DNAAF5: variants seen among roughly 807,000 people sequenced by gnomAD.
DNAAF5 encodes HEAT repeat containing 2.
DNAAF5 carries 64 observed loss-of-function variants against 75.8 expected under a neutral mutation model. That is an observed-to-expected ratio of 0.84 (90% CI 0.69 to 1.04). The LOEUF (loss-of-function observed/expected upper bound fraction) is 1.04. Among genes scored for constraint, DNAAF5 ranks in the 50% least tolerant of loss-of-function variants. The probability of loss-of-function intolerance (pLI) is 0.00; values close to 1 mark genes in which losing one functional copy is unlikely to be tolerated. For missense variants in DNAAF5, 1,269 were observed against 1,178.5 expected (o/e 1.08, Z -1.12); for synonymous variants, 657 against 557.2 (o/e 1.18, Z -2.52).
chr7:759,968 G>A (rs1325481392), intron 6 of DNAAF5, among the ~76,000 whole-genome samples: 1 of 152,224 alleles, frequency 6.6e-6, no homozygotes, highest in Non-Finnish European at 1.5e-5. Context: ...AAATTGGGCT[G>A]TGGGAAAAAT....
chr7:756,282 C>T (rs1302785175), intron 5 of DNAAF5, among the ~76,000 whole-genome samples: 2 of 143,390 alleles, frequency 1.4e-5, no homozygotes, highest in Admixed American at 7.0e-5. Flanking sequence ...GTGTGTGATC[C>T]GCTGTGGAAT....
intron 1 of DNAAF5, among the ~76,000 whole-genome samples, chr7:727,823 C>T (rs1781409990): frequency 6.7e-6 from 1 of 149,114 alleles, no homozygotes; most frequent in Non-Finnish European, 1.5e-5. Context: ...TGCCTGAGCC[C>T]CCTCCACCCC....
chr7:767,768 G>C (rs183439883), intron 8 of DNAAF5, among the ~76,000 whole-genome samples: 323 of 151,728 alleles, frequency 2.1e-3, no homozygotes, highest in South Asian at 0.017. Flanking sequence ...ACGTGATCCG[G>C]GCGGAAGTGT....
chr7:778,598 T>G (rs1778839661), intron 11 of DNAAF5: 1 of 149,214 alleles, frequency 6.7e-6, no homozygotes, highest in South Asian at 2.1e-4. Flanking sequence ...AGTGCCACTC[T>G]GTGTACTTCC....
chr7:755,616 C>T (rs1302563463), intron 5 of DNAAF5, among the ~76,000 whole-genome samples: 1 of 152,128 alleles, frequency 6.6e-6, no homozygotes, highest in African/African-American at 2.4e-5. Context: ...CCTGTGGTTC[C>T]AGCTCCCGGG....
At chr7:746,642 C>A (rs1014944242) in intron 4 of DNAAF5, among the ~76,000 whole-genome samples, 2 of 151,262 alleles carry the variant, frequency 1.3e-5, no homozygotes, top group Admixed American at 6.6e-5. Flanking sequence ...CCACCCCCCA[C>A]CCACCTTGCC....
At chr7:773,286 G>A (rs535073229) in intron 9 of DNAAF5, among the ~76,000 whole-genome samples, 4 of 152,250 alleles carry the variant, frequency 2.6e-5, no homozygotes, top group Non-Finnish European at 4.4e-5. Flanking sequence ...GGAGCAAGCC[G>A]GTGGCGCCTC....
intron 12 of DNAAF5, 127 bp from the exon 13 acceptor site, chr7:785,390 C>A: frequency 1.0e-6 from 1 of 995,218 alleles, no homozygotes; most frequent in Non-Finnish European, 1.5e-6. Context: ...GTCCACCCAG[C>A]AGCGTCAGGT....
chr7:727,399 G>A, intron 1 of DNAAF5, 84 bp downstream of exon 1: 1 of 604,024 alleles, frequency 1.7e-6, no homozygotes, highest in Non-Finnish European at 2.0e-6. Context: ...CACAACCCCC[G>A]CGGCTCGGCC....
chr7:780,921 C>CG (rs1411723467), intron 12 of DNAAF5, among the ~76,000 whole-genome samples: 1 of 124,378 alleles, frequency 8.0e-6, no homozygotes, highest in Non-Finnish European at 1.7e-5. Flanking sequence ...TGTGGGTACA[C>CG]ATAGGTGTAT....
chr7:742,894 T>C (rs1781958692), intron 4 of DNAAF5, among the ~76,000 whole-genome samples: 1 of 151,582 alleles, frequency 6.6e-6, no homozygotes, highest in Non-Finnish European at 1.5e-5. Context: ...AAATCAATCA[T>C]GTCCAGCTCA....
chr7:766,433 TTTAA>T (rs1275200741), intron 8 of DNAAF5, among the ~76,000 whole-genome samples: 2 of 152,236 alleles, frequency 1.3e-5, no homozygotes, highest in Non-Finnish European at 2.9e-5. Context: ...CCTTTTAAAT[TTTAA>T]TTATTTTAAA....
chr7:757,003 A>C lies in DNAAF5; in HGVS notation c.1470+9A>C. 1 of 1,598,490 alleles carries C rather than the reference A, an allele frequency of 6.3e-7. No homozygotes were observed. Among genetic ancestry groups the C allele is most frequent in the Non-Finnish European group, 8.5e-7 (1 of 1,178,340 alleles). On this transcript the variant is annotated intron_variant, in intron 6 of 12. Transcript: ENST00000297440. ...GCCAGGCATCTGAAAACGTAAGAGC[A>C]CTTGGGAGATGCGGGAGTGGAGAGG...
intron 12 of DNAAF5, among the ~76,000 whole-genome samples, chr7:782,059 G>C (rs554695688): frequency 1.3e-5 from 2 of 152,398 alleles, no homozygotes; most frequent in African/African-American, 4.8e-5. Context: ...TCCCCGCGCA[G>C]CTGCGTCCGG....
intron 1 of DNAAF5, chr7:727,599 G>GCGCTGCCACGTGCT (rs1781392596): frequency 5.2e-6 from 1 of 191,372 alleles, no homozygotes; most frequent in African/African-American, 2.5e-5. Context: ...CCTGTTTCCT[G>GCGCTGCCACGTGCT]CGCTGCCACG....
In DNAAF5 at chr7:774,908, C is replaced by T. The variant is rs188553588; in HGVS notation, c.2083-98C>T. 360 of 994,288 alleles carry T rather than the reference C, an allele frequency of 3.6e-4. No homozygotes were observed. In the African/African-American group the frequency reaches 5.0e-3, roughly 14 times the overall value. The allele number at this position is 994,288 out of a possible 1,614,324, so 61.6% of individuals were successfully genotyped here. A position where few individuals can be genotyped will look rare whatever the true frequency, so the allele number is the denominator to read the frequency against. ...TACTTTTTAGGTAAAGCTTTCAAGC[C>T]CCCTAAGTCCTTCCAGGCAGGAGTG... On this transcript the variant is annotated intron_variant, in intron 10 of 12. Transcript: ENST00000297440.
intron 5 of DNAAF5, among the ~76,000 whole-genome samples, chr7:756,397 G>T (rs1191953280): frequency 1.3e-5 from 2 of 151,922 alleles, no homozygotes; most frequent in Admixed American, 6.6e-5. Flanking sequence ...GTGCAGAGGG[G>T]CTGGTGAGTG....
intron 4 of DNAAF5, among the ~76,000 whole-genome samples, chr7:751,400 C>T (rs960229348): frequency 2.7e-5 from 4 of 150,754 alleles, no homozygotes; most frequent in Non-Finnish European, 5.9e-5. Flanking sequence ...TTTGAGAGGC[C>T]GAGGCAGGAG....
chr7:770,454 T>C lies in DNAAF5; in HGVS notation c.1784-17T>C, dbSNP rs957711742. The C allele has an allele frequency of 3.1e-6, 5 of 1,610,490 alleles. No individual in the cohort carries two copies. The African/African-American group carries it at 6.7e-5, about 22-fold the overall frequency. On this transcript the variant is annotated splice_polypyrimidine_tract_variant and intron_variant, in intron 8 of 12. Transcript: ENST00000297440. Reference sequence around the variant, plus strand: ...CTCCTGAGGGCCGTGCACAGGAGCCTCTGTTGTGTCTTACAGGCCCTGCCC... The same window carrying C: ...CTCCTGAGGGCCGTGCACAGGAGCCCCTGTTGTGTCTTACAGGCCCTGCCC...
Sources: allele counts gnomAD v4.1 joint callset (sites outside exome capture counted in the v4.1 genomes callset), GRCh38; gene constraint gnomAD v4.1.1; transcripts MANE v1.5; gene names NCBI Gene and HGNC (gene_info 2026-07-23, HGNC 2026-07-21).